The following EHBP1 variants were observed in gnomAD, a reference collection of about 807,000 sequenced individuals.
The protein encoded by EHBP1 is EH domain binding protein 1.
In EHBP1, 55 loss-of-function variants were observed where a neutral mutation model predicts 144.0. The ratio of observed to expected loss-of-function variants is 0.38; its 90% CI spans 0.31 to 0.48. EHBP1 has a LOEUF of 0.48. EHBP1 is among the 20% of genes least tolerant of loss of function. The pLI, the probability that EHBP1 is intolerant of heterozygous loss-of-function variation, is 0.98. For synonymous variants in EHBP1, 469 were observed against 472.7 expected (o/e 0.99, Z 0.10); for missense variants, 1,200 against 1,364.2 (o/e 0.88, Z 1.90).
intron 10 of EHBP1, among the ~76,000 whole-genome samples, chr2:62,881,008 C>T (rs2051359458): frequency 6.7e-6 from 1 of 150,222 alleles, no homozygotes; most frequent in African/African-American, 2.5e-5. Flanking sequence ...CAGCAGTAGA[C>T]CAAATAATGA....
intron 10 of EHBP1, among the ~76,000 whole-genome samples, chr2:62,887,319 G>A (rs2052016735): frequency 6.6e-6 from 1 of 152,144 alleles, no homozygotes; most frequent in South Asian, 2.1e-4. Flanking sequence ...GATATTAGGG[G>A]TCAGTTAGCA....
rs2061928799 is a variant in EHBP1, at chr2:63,045,683, A to C, written c.*183A>C. 3.6e-6 allele frequency: 2 copies of C among 561,450 alleles called. No individual in the cohort carries two copies. Among genetic ancestry groups the C allele is most frequent in the African/African-American group, 1.9e-5 (1 of 53,094 alleles). 34.8% of individuals were successfully genotyped at this position (561,450 alleles called of 1,614,324 possible). On this transcript the variant is annotated 3_prime_UTR_variant, in exon 23 of 23. Transcript: ENST00000431489. This position sits in a 1 kb window ranked among gnomAD's most constrained non-coding sequence, Gnocchi z 5.7. ...CTTTCCAAATAATATACAGAACTCC[A>C]AAATAGCTTCATTTAAGGATTTTTT...
chr2:62,894,420 A>T (rs934655294), intron 10 of EHBP1, among the ~76,000 whole-genome samples: 2 of 151,764 alleles, frequency 1.3e-5, no homozygotes, highest in African/African-American at 2.4e-5. Context: ...GTGAATGTGT[A>T]TGTGTGTAGT....
Position 62,948,897 on chromosome 2 carries a change from A to G in EHBP1, c.2051A>G (p.Asp684Gly). 2 of 1,614,028 alleles carry G rather than the reference A, an allele frequency of 1.2e-6. No homozygotes were observed. Among genetic ancestry groups the G allele is most frequent in the Non-Finnish European group, 8.5e-7 (1 of 1,179,968 alleles). The change falls in exon 13 of 23, where the codon GAT becomes GGT. Residue 684 changes from aspartate to glycine, a missense_variant. Physicochemically the swap from Asp to Gly is moderately conservative, Grantham distance 94. This residue lies in a region of EHBP1 where 543 missense variants were observed against 513.1 expected (regional missense o/e 1.06). Coordinates refer to ENST00000431489, the MANE Select transcript of EHBP1 (RefSeq NM_001142616.3). ...CCACCCTTTATTTGTGAGGAGACAG[A>G]TGAACAAAAGCTTCAAACTCTAGAC... ...MSPPFICEETDEQKLQTLDIG... is the reference protein window; with the variant it reads ...MSPPFICEETGEQKLQTLDIG...
chr2:62,707,165 A>G lies in EHBP1; in HGVS notation c.-27A>G. 1 of 1,589,922 alleles carries G rather than the reference A, an allele frequency of 6.3e-7. No individual in the cohort carries two copies. The highest frequency in any genetic ancestry group is 8.6e-7 in the Non-Finnish European group (1 of 1,157,956). On this transcript the variant is annotated 5_prime_UTR_variant, in exon 2 of 23. Transcript: ENST00000431489. The stretch of plus-strand genomic sequence containing the variant: ...AAAGCTGCTGTATTGCTAACCCAGA[A>G]CTGCTCCAGTGTCTTGACTGATCAT...
In EHBP1 at chr2:62,747,828, G is replaced by A. The variant is rs151153651; in HGVS notation, c.162+376G>A. ...GGCCTTTAAGAAGTGATTAGGGTAA[G>A]GACTTCTCCCTTGTGAATTCAATTA... On this transcript the variant is annotated intron_variant, in intron 3 of 22. Coordinates refer to ENST00000431489, the MANE Select transcript of EHBP1 (RefSeq NM_001142616.3). 2.4e-3 allele frequency among the ~76,000 whole-genome samples: 360 copies of A among 152,030 alleles called. 2 individuals are homozygous for A. Among genetic ancestry groups the A allele is most frequent in the African/African-American group, 8.0e-3 (331 of 41,482 alleles).
chr2:62,939,339 A>G (rs192261699), intron 10 of EHBP1, among the ~76,000 whole-genome samples: 86 of 152,154 alleles, frequency 5.7e-4, no homozygotes, highest in African/African-American at 2.0e-3. Context: ...CAGTGGTGCA[A>G]TCTCAGCTCA....
At chr2:62,913,772 A>C (rs1483731914) in intron 10 of EHBP1, among the ~76,000 whole-genome samples, 1 of 152,210 alleles carries the variant, frequency 6.6e-6, no homozygotes, top group Non-Finnish European at 1.5e-5. Flanking sequence ...AAGTAGAAAC[A>C]TTAAAAGTGG....
At chr2:62,997,503 A>G (rs2059688108) in intron 19 of EHBP1, among the ~76,000 whole-genome samples, 2 of 151,164 alleles carry the variant, frequency 1.3e-5, no homozygotes, top group South Asian at 4.2e-4. Flanking sequence ...CAAAGAGATT[A>G]AAATGTGAAA....
intron 1 of EHBP1, among the ~76,000 whole-genome samples, chr2:62,700,502 T>C (rs1238671764): frequency 6.6e-6 from 1 of 152,138 alleles, no homozygotes; most frequent in Non-Finnish European, 1.5e-5. Flanking sequence ...AGTTCTAATA[T>C]TCATCTTCAT....
At chr2:62,968,685 T>C (rs1485058657) in intron 14 of EHBP1, among the ~76,000 whole-genome samples, 5 of 152,220 alleles carry the variant, frequency 3.3e-5, no homozygotes, top group Admixed American at 3.3e-4. Context: ...TTTAAATACT[T>C]GAACTGTTAG....
intron 19 of EHBP1, among the ~76,000 whole-genome samples, chr2:63,001,572 G>A (rs2059849827): frequency 6.6e-6 from 1 of 152,144 alleles, no homozygotes; most frequent in East Asian, 1.9e-4. Flanking sequence ...ATGCTTATTA[G>A]ATATTTGGCT....
chr2:62,940,112 G>T, intron 10 of EHBP1: 1 of 422,874 alleles, frequency 2.4e-6, no homozygotes, highest in South Asian at 1.8e-5. Flanking sequence ...CCAAGACTTT[G>T]AGAATCACTA....
chr2:63,007,490 CTG>C (rs1055078215), intron 19 of EHBP1, among the ~76,000 whole-genome samples: 5 of 151,658 alleles, frequency 3.3e-5, no homozygotes, highest in Non-Finnish European at 5.9e-5. Flanking sequence ...TTTGAGATCT[CTG>C]AAGTATAATC....
At chr2:62,884,092 C>T (rs1169598360) in intron 10 of EHBP1, among the ~76,000 whole-genome samples, 1 of 152,176 alleles carries the variant, frequency 6.6e-6, no homozygotes, top group African/African-American at 2.4e-5. Flanking sequence ...ATGTTATTCA[C>T]ATGTATATGC....
At chr2:62,773,373 A>G (rs890728915) in intron 5 of EHBP1, among the ~76,000 whole-genome samples, 1 of 152,080 alleles carries the variant, frequency 6.6e-6, no homozygotes, top group African/African-American at 2.4e-5. Context: ...TGAGATGTGT[A>G]CAGGACCCCT....
chr2:63,029,540 A>G (rs1335378781), intron 19 of EHBP1, among the ~76,000 whole-genome samples: 1 of 150,752 alleles, frequency 6.6e-6, no homozygotes, highest in Non-Finnish European at 1.5e-5. Context: ...CCCCTTCATT[A>G]TTATCATCAT....
intron 2 of EHBP1, among the ~76,000 whole-genome samples, chr2:62,732,986 A>T (rs932377898): frequency 2.0e-5 from 3 of 151,942 alleles, no homozygotes; most frequent in Non-Finnish European, 4.4e-5. Flanking sequence ...TTTCCTTTTG[A>T]TTTTTTAAGA....
At chr2:62,902,499 A>G (rs2053489508) in intron 10 of EHBP1, among the ~76,000 whole-genome samples, 1 of 151,960 alleles carries the variant, frequency 6.6e-6, no homozygotes, top group Non-Finnish European at 1.5e-5. Flanking sequence ...TTCTTTTTGT[A>G]TTACAAAGAT....
Sources: gnomAD v4.1 joint callset for allele counts (sites outside exome capture counted in the v4.1 genomes callset) on GRCh38, gnomAD v4.1.1 for gene constraint, gnomAD v4.1.1 regional missense constraint, Gnocchi (gnomAD v3.1) non-coding constraint, MANE v1.5 for transcripts, NCBI Gene and HGNC (gene_info 2026-07-23, HGNC 2026-07-21) for gene names.